Variants in ZNF239 observed in about 807,000 individuals in gnomAD.
ZNF239 encodes the protein zinc finger protein (C2H2) homologous to mouse MOK-2.
A neutral mutation model predicts 27.5 loss-of-function variants in ZNF239; 16 were observed. The ratio of observed to expected loss-of-function variants is 0.58; its 90% CI spans 0.39 to 0.88. The LOEUF (loss-of-function observed/expected upper bound fraction) is 0.88, where lower values mean the gene tolerates loss of function less well. Ranked by LOEUF, ZNF239 falls within the 40% of genes least tolerant of loss-of-function variation. The pLI is 0.00. For synonymous variants in ZNF239, 199 were observed against 192.6 expected (o/e 1.03, Z -0.27); for missense variants, 527 against 551.9 (o/e 0.95, Z 0.45).
chr10:43,560,530 C>A lies in ZNF239; in HGVS notation c.-92-2359G>T, dbSNP rs983794600. 4.8e-5 allele frequency among the ~76,000 whole-genome samples: 7 copies of A among 146,258 alleles called. No homozygotes were observed. In the East Asian group the frequency reaches 9.9e-4, roughly 21 times the overall value. ...GCTCAGCCCTAGCCCTTAGCCCATC[C>A]GTGGGGCCAGTTTACTGCCTGGGTA... On this transcript the variant is annotated intron_variant, in intron 3 of 3. Coordinates refer to ENST00000374446, the MANE Select transcript of ZNF239 (RefSeq NM_001099282.2).
chr10:43,573,569 A>C, intron 2 of ZNF239, 68 bp downstream of exon 2: 1 of 966,630 alleles, frequency 1.0e-6, no homozygotes, highest in East Asian at 1.1e-4. Context: ...GACAATAAAG[A>C]AAACAACACA....
rs1836924556 is a variant in ZNF239, at chr10:43,557,980, C to T, written c.100G>A (p.Gly34Arg). 2.5e-6 allele frequency: 4 copies of T among 1,614,002 alleles called. No individual in the cohort carries two copies. Among genetic ancestry groups the T allele is most frequent in the African/African-American group, 2.7e-5 (2 of 74,900 alleles). ...CTGGAAATAGGAGAAGATGCTTCTC[C>T]CCACTGTTGACAAGGGGAAATATCT... ...ELDISPCQQW[G>R]EASSPISRNR... is the part of the protein sequence containing the mutation. Residue 34 changes from glycine (G) to arginine (R), a missense_variant, in exon 4 of 4, where the codon GGA (glycine) becomes AGA (arginine). Coordinates refer to ENST00000374446, the MANE Select transcript of ZNF239 (RefSeq NM_001099282.2).
rs1194561727 is a variant in ZNF239, at chr10:43,557,089, G to A, written c.991C>T (p.Arg331Cys). 8.1e-6 allele frequency: 13 copies of A among 1,602,226 alleles called. No individual in the cohort carries two copies. Among genetic ancestry groups the A allele is most frequent in the South Asian group, 3.3e-5 (3 of 90,514 alleles). ...CGCTGGTGGATGTGCAGGTTTGAGC[G>A]CTGACTGAAGCTCATACCACACTCC... ...CEECGMSFSQ[R>C]SNLHIHQRVH... Residue 331 changes from arginine to cysteine, a missense_variant, in exon 4 of 4, where the codon CGC becomes TGC. By Grantham distance (180) the Arg-to-Cys change is radical (BLOSUM62 -3). Coordinates refer to ENST00000374446, the MANE Select transcript of ZNF239 (RefSeq NM_001099282.2).
intron 3 of ZNF239, among the ~76,000 whole-genome samples, chr10:43,566,296 G>GT (rs1158727048): frequency 2.5e-3 from 370 of 145,690 alleles, no homozygotes; most frequent in Middle Eastern, 0.011. Flanking sequence ...ATTTTTCAGT[G>GT]TTTTTTTTTT....
intron 2 of ZNF239, among the ~76,000 whole-genome samples, chr10:43,569,203 G>A (rs1465186336): frequency 6.6e-6 from 1 of 151,898 alleles, no homozygotes; most frequent in African/African-American, 2.4e-5. Flanking sequence ...CTCCTTTACC[G>A]CTAAAGCATA....
rs183108134 is a variant in ZNF239 at position 43,567,982 on chromosome 10, C to A, written c.-176G>T. The A allele has an allele frequency of 5.7e-5, 56 of 985,986 alleles. No homozygotes were observed. The African/African-American group carries it at 9.8e-4, about 17-fold the overall frequency. 61.1% of individuals were successfully genotyped at this position (985,986 alleles called of 1,614,324 possible). ...GAGTCCAGGTGACCTCACTCCTCCT[C>A]GGTGAAGGCCACAGAGGCATCCTTG... On this transcript the variant is annotated 5_prime_UTR_variant, in exon 3 of 4. An upstream open reading frame in the 5' UTR gains an earlier in-frame stop. Transcript: ENST00000374446.
At chr10:43,564,318 T>C in intron 3 of ZNF239, 1 of 982,292 alleles carries the variant, frequency 1.0e-6, no homozygotes. Context: ...ACATCATAAA[T>C]GATGTTTAAA....
chr10:43,557,301 T>A lies in ZNF239; in HGVS notation c.779A>T (p.Glu260Val). Residue 260 changes from glutamate (E) to valine (V), a missense_variant, in exon 4 of 4, where the codon GAG becomes GTG. Glu to Val is a moderately radical substitution (Grantham distance 121). Transcript: ENST00000374446. ...ACACTTGTCACACTTATAAGGCTTCTCATCTGTGTGGACTGCCTGATGGAT... is the reference window on the plus strand; with the variant it reads ...ACACTTGTCACACTTATAAGGCTTCACATCTGTGTGGACTGCCTGATGGAT... ...LLIHQAVHTD[E>V]KPYKCDKCGK... 1 of 1,614,184 alleles carries A rather than the reference T, an allele frequency of 6.2e-7. No individual in the cohort carries two copies. Among genetic ancestry groups the A allele is most frequent in the Non-Finnish European group, 8.5e-7 (1 of 1,180,014 alleles).
intron 2 of ZNF239, among the ~76,000 whole-genome samples, chr10:43,568,875 C>T (rs530910351): frequency 7.2e-4 from 109 of 152,264 alleles, no homozygotes; most frequent in African/African-American, 2.6e-3. Context: ...CATGGTGAAA[C>T]CTCGTCTCTA....
At chr10:43,566,205 CCA>C (rs942854212) in intron 3 of ZNF239, among the ~76,000 whole-genome samples, 8 of 152,108 alleles carry the variant, frequency 5.3e-5, no homozygotes, top group African/African-American at 1.4e-4. Flanking sequence ...AACTGAAAGG[CCA>C]CAGTTACTGA....
At chr10:43,558,290 T>A (rs1328736216) in intron 3 of ZNF239, 119 bp from the exon 4 acceptor site, 8 of 937,992 alleles carry the variant, frequency 8.5e-6, no homozygotes, top group Non-Finnish European at 1.2e-5. Context: ...GTCTTTATAG[T>A]CATGTCCTTT....
chr10:43,567,345 A>G lies in ZNF239; in HGVS notation c.-93+554T>C, dbSNP rs556069102. ...TCCAAGCAAAGATGGCACATGACCA[A>G]TGTTGGGGAAATGTGGGGAAAGGCA... On this transcript the variant is annotated intron_variant, in intron 3 of 3. Transcript: ENST00000374446. Among the ~76,000 whole-genome samples, 9 of 152,070 alleles carry G rather than the reference A, an allele frequency of 5.9e-5. No individual in the cohort carries two copies. In the South Asian group the frequency reaches 1.9e-3, roughly 31 times the overall value.
intron 2 of ZNF239, among the ~76,000 whole-genome samples, chr10:43,571,851 C>T (rs776351306): frequency 4.6e-5 from 7 of 152,186 alleles, no homozygotes; most frequent in Non-Finnish European, 4.4e-5. Context: ...GCCACCATGT[C>T]TGGCCTCAAC....
At chr10:43,565,085 A>G (rs905568152) in intron 3 of ZNF239, among the ~76,000 whole-genome samples, 2 of 151,942 alleles carry the variant, frequency 1.3e-5, no homozygotes, top group African/African-American at 4.8e-5. Flanking sequence ...AAATCTTTTT[A>G]TTTTATTTTA....
rs1267568819 is a variant in ZNF239 at position 43,557,785 on chromosome 10, C to T, written c.295G>A (p.Glu99Lys). The T allele has an allele frequency of 6.2e-7, 1 of 1,614,170 alleles. No homozygotes were observed. Among genetic ancestry groups the T allele is most frequent in the Non-Finnish European group, 8.5e-7 (1 of 1,180,044 alleles). Residue 99 changes from glutamate (E) to lysine (K), a missense_variant, in exon 4 of 4, where the codon GAA becomes AAA. Physicochemically the swap from Glu to Lys is moderately conservative, Grantham distance 56 (BLOSUM62 1). Coordinates refer to ENST00000374446, the MANE Select transcript of ZNF239 (RefSeq NM_001099282.2). ...HQESRRLFVM[E>K]ESTERKVIKG... Reference sequence around the variant, plus strand: ...ATCACTTTTCTCTCAGTGCTTTCTTCCATTACAAAGAGACGTCTGCTTTCC... The same window carrying T: ...ATCACTTTTCTCTCAGTGCTTTCTTTCATTACAAAGAGACGTCTGCTTTCC...
intron 2 of ZNF239, among the ~76,000 whole-genome samples, 198 bp downstream of exon 2, chr10:43,573,439 G>A (rs2132319365): frequency 1.3e-5 from 2 of 152,340 alleles, no homozygotes; most frequent in South Asian, 4.1e-4. Flanking sequence ...AATTCTTGGA[G>A]GCAGGATGGG....
chr10:43,557,843 C>T lies in ZNF239; in HGVS notation c.237G>A (p.Val79=). The T allele has an allele frequency of 1.9e-6, 3 of 1,614,238 alleles. No homozygotes were observed. Among genetic ancestry groups the T allele is most frequent in the Non-Finnish European group, 2.5e-6 (3 of 1,180,046 alleles). Residue 79 remains valine (V), a synonymous_variant, in exon 4 of 4, where the codon GTG becomes GTA. Coordinates refer to ENST00000374446, the MANE Select transcript of ZNF239 (RefSeq NM_001099282.2). ...SSQIDTQDSS[V]KFCKNEPQDH... is the part of the protein sequence containing the mutation. Reference sequence around the variant, plus strand: ...CCTGAGGCTCATTCTTACAGAACTTCACTGAAGAGTCTTGTGTGTCTATTT... The same window carrying T: ...CCTGAGGCTCATTCTTACAGAACTTTACTGAAGAGTCTTGTGTGTCTATTT...
At chr10:43,568,326 C>T (rs962459047) in intron 2 of ZNF239, 1 of 985,460 alleles carries the variant, frequency 1.0e-6, no homozygotes, top group Non-Finnish European at 1.2e-6. Context: ...ACCCCATTCC[C>T]ACCATTATCC....
Position 43,568,280 on chromosome 10 carries a change from A to G in ZNF239, c.-215-259T>C, listed in dbSNP as rs1202710927. On this transcript the variant is annotated intron_variant, in intron 2 of 3. Coordinates refer to ENST00000374446, the MANE Select transcript of ZNF239 (RefSeq NM_001099282.2). ...CTCAGCTACTGAATCTTTCTGTGTC[A>G]CTCTCTTCTTGTGTCATTGCTGAGT... 9 of 984,980 alleles carry G rather than the reference A, an allele frequency of 9.1e-6. No individual in the cohort carries two copies. The South Asian group carries it at 1.4e-4, about 15-fold the overall frequency. 61.0% of individuals were successfully genotyped at this position (984,980 alleles called of 1,614,324 possible).
Sources: gnomAD v4.1 joint callset for allele counts (sites outside exome capture counted in the v4.1 genomes callset) on GRCh38, gnomAD v4.1.1 for gene constraint, MANE v1.5 for transcripts, NCBI Gene and HGNC (gene_info 2026-07-23, HGNC 2026-07-21) for gene names.